Variants in DLG2 observed in about 807,000 individuals in gnomAD.
DLG2 encodes the protein disks large homolog 2.
In DLG2, 45 loss-of-function variants were observed where a neutral mutation model predicts 132.5. The observed-to-expected ratio is 0.34, with a 90% CI of 0.27 to 0.44. DLG2 has a LOEUF of 0.44. Ranked by LOEUF, DLG2 falls within the 20% of genes least tolerant of loss-of-function variation. The pLI is 1.00. For missense variants in DLG2, 1,045 were observed against 1,196.9 expected (o/e 0.87, Z 1.87); for synonymous variants, 424 against 419.6 (o/e 1.01, Z -0.13).
chr11:83,739,805 G>C (rs66509934), intron 18 of DLG2, among the ~76,000 whole-genome samples: 24,602 of 152,116 alleles, frequency 0.16, 2,645 homozygotes, highest in African/African-American at 0.3. Context: ...ACCACAGTAT[G>C]GAGTTCCTTG....
chr11:84,079,170 A>G (rs1372874805), intron 10 of DLG2, among the ~76,000 whole-genome samples: 1 of 152,180 alleles, frequency 6.6e-6, no homozygotes, highest in Non-Finnish European at 1.5e-5. Flanking sequence ...GTTTATCCCC[A>G]GTATATTTCA....
chr11:84,915,265 C>A (rs571761637), intron 6 of DLG2, among the ~76,000 whole-genome samples: 1 of 145,322 alleles, frequency 6.9e-6, no homozygotes, highest in South Asian at 2.1e-4. Flanking sequence ...TTGTATTTCC[C>A]CCCCCATTAT....
intron 3 of DLG2, among the ~76,000 whole-genome samples, chr11:85,390,679 C>T (rs1337609842): frequency 1.3e-4 from 19 of 152,000 alleles, no homozygotes; most frequent in Admixed American, 1.2e-3. Flanking sequence ...ATAATATGCT[C>T]CTGAACAATC....
At chr11:83,934,518 A>G (rs1591365318) in intron 14 of DLG2, among the ~76,000 whole-genome samples, 1 of 151,144 alleles carries the variant, frequency 6.6e-6, no homozygotes, top group African/African-American at 2.5e-5. Flanking sequence ...TGTATCAGAG[A>G]TAATGTTTAA....
intron 7 of DLG2, chr11:84,273,399 A>T (rs2097756034): frequency 4.8e-6 from 6 of 1,261,222 alleles, no homozygotes; most frequent in Non-Finnish European, 6.1e-6. Flanking sequence ...AGACTTAAAA[A>T]AAAAGTTAAT....
At chr11:84,635,053 T>C (rs901838161) in intron 6 of DLG2, among the ~76,000 whole-genome samples, 2 of 152,248 alleles carry the variant, frequency 1.3e-5, no homozygotes, top group African/African-American at 4.8e-5. Flanking sequence ...GAGCAAGTGA[T>C]CCTTTGAAGA....
intron 21 of DLG2, among the ~76,000 whole-genome samples, chr11:83,504,225 T>C (rs770887453): frequency 6.6e-6 from 1 of 152,206 alleles, no homozygotes; most frequent in Non-Finnish European, 1.5e-5. Context: ...CTACTACCCA[T>C]TCAGTATTCC....
chr11:84,195,646 A>G (rs899283492), intron 8 of DLG2, among the ~76,000 whole-genome samples: 3 of 152,218 alleles, frequency 2.0e-5, no homozygotes, highest in South Asian at 2.1e-4. Flanking sequence ...CTCATCTAGA[A>G]AATTGGGATA....
chr11:84,268,802 T>C (rs897918421), intron 7 of DLG2, among the ~76,000 whole-genome samples: 1 of 152,060 alleles, frequency 6.6e-6, no homozygotes, highest in African/African-American at 2.4e-5. Flanking sequence ...TGATAGTACC[T>C]ACATCAGAAG....
intron 10 of DLG2, among the ~76,000 whole-genome samples, chr11:84,097,044 A>G (rs1183147341): frequency 6.6e-6 from 1 of 152,240 alleles, no homozygotes; most frequent in Non-Finnish European, 1.5e-5. Context: ...TATATGCTTA[A>G]TGAAAAAACA....
chr11:84,906,558 A>T (rs1455133534), intron 6 of DLG2, among the ~76,000 whole-genome samples: 3 of 152,136 alleles, frequency 2.0e-5, no homozygotes. Flanking sequence ...AAAACAAAAA[A>T]GCTTGCCTCC....
chr11:85,625,513 A>G (rs141123760), intron 2 of DLG2, among the ~76,000 whole-genome samples: 2 of 152,226 alleles, frequency 1.3e-5, no homozygotes, highest in Admixed American at 1.3e-4. Context: ...AGTTTTATAT[A>G]TCATTGTCCA....
intron 16 of DLG2, among the ~76,000 whole-genome samples, chr11:83,845,046 T>G (rs2058351493): frequency 6.6e-6 from 1 of 152,050 alleles, no homozygotes; most frequent in Non-Finnish European, 1.5e-5. Flanking sequence ...TACTCCTGGA[T>G]ACACTGACAA....
At chr11:85,489,877 G>C (rs543964646) in intron 3 of DLG2, among the ~76,000 whole-genome samples, 1 of 46,364 alleles carries the variant, frequency 2.2e-5, no homozygotes, top group East Asian at 3.7e-4. Flanking sequence ...TTCTTTGAAA[G>C]GACATGCAAA....
chr11:85,487,996 C>T lies in DLG2; in HGVS notation c.40+110661G>A, dbSNP rs577377952. On this transcript the variant is annotated intron_variant, in intron 3 of 27. Coordinates refer to ENST00000376104, the MANE Select transcript of DLG2 (RefSeq NM_001142699.3). ...GAATCATGAGGGTGGTTTCCCCATA[C>T]TGCTCTTGTGGTAGTGAATAAGTCT... is the stretch of plus-strand genomic sequence containing the variant. 9.2e-5 allele frequency among the ~76,000 whole-genome samples: 14 copies of T among 152,326 alleles called. 1 individual carries two copies. The highest frequency in any genetic ancestry group is 3.1e-4 in the African/African-American group (13 of 41,574).
chr11:84,462,656 A>G (rs986650909), intron 7 of DLG2, among the ~76,000 whole-genome samples: 15 of 151,270 alleles, frequency 9.9e-5, no homozygotes, highest in African/African-American at 3.6e-4. Context: ...AAAGAAATGA[A>G]AAGACAATAG....
At chr11:84,886,663 T>G (rs936946770) in intron 6 of DLG2, among the ~76,000 whole-genome samples, 3 of 152,154 alleles carry the variant, frequency 2.0e-5, no homozygotes, top group Admixed American at 1.3e-4. Context: ...GTACTTGTCA[T>G]AACCTTAATG....
intron 6 of DLG2, among the ~76,000 whole-genome samples, chr11:84,737,998 T>C (rs1016670257): frequency 5.3e-5 from 8 of 152,088 alleles, no homozygotes; most frequent in Non-Finnish European, 8.8e-5. Flanking sequence ...TTTGCTTGCA[T>C]TGTAAATTTG....
chr11:83,666,338 G>A (rs944596870), intron 18 of DLG2, among the ~76,000 whole-genome samples: 2 of 152,126 alleles, frequency 1.3e-5, no homozygotes, highest in African/African-American at 2.4e-5. Flanking sequence ...GAACTGGGCC[G>A]CACAGCAGGA....
Sources: gnomAD v4.1 joint callset for allele counts (sites outside exome capture counted in the v4.1 genomes callset) on GRCh38, gnomAD v4.1.1 for gene constraint, MANE v1.5 for transcripts, NCBI Gene and HGNC (gene_info 2026-07-23, HGNC 2026-07-21) for gene names.